Variants in ASTN2 observed in about 807,000 individuals in gnomAD.
The protein encoded by ASTN2 is astrotactin 2.
Under a neutral mutation model 139.8 loss-of-function variants are expected in ASTN2, and 54 were observed. That is an observed-to-expected ratio of 0.39 (90% CI 0.31 to 0.48). ASTN2 has a LOEUF of 0.48. Among genes scored for constraint, ASTN2 ranks in the 20% least tolerant of loss-of-function variants. The probability of loss-of-function intolerance (pLI) is 0.95; values close to 1 mark genes in which losing one functional copy is unlikely to be tolerated. For synonymous variants in ASTN2, 756 were observed against 719.5 expected, an observed-to-expected ratio of 1.05 and a Z score of -0.81; for missense variants, 1,565 against 1,725.1, an observed-to-expected ratio of 0.91 and a Z score of 1.64.
At chr9:117,259,145 A>T (rs1833761142) in intron 2 of ASTN2, among the ~76,000 whole-genome samples, 1 of 152,112 alleles carries the variant, frequency 6.6e-6, no homozygotes, top group East Asian at 1.9e-4. Flanking sequence ...TAAGCTCCTG[A>T]CCTCAAAAAT....
At chr9:116,727,759 G>T (rs998466953) in intron 15 of ASTN2, among the ~76,000 whole-genome samples, 2 of 152,090 alleles carry the variant, frequency 1.3e-5, no homozygotes, top group African/African-American at 4.8e-5. Flanking sequence ...CCACTTACTA[G>T]CTGTGTGACC....
At chr9:116,948,676 T>G (rs767414694) in intron 10 of ASTN2, among the ~76,000 whole-genome samples, 1 of 145,392 alleles carries the variant, frequency 6.9e-6, no homozygotes. Context: ...TTTCAGTAGA[T>G]AGAGTTTGAC....
chr9:117,060,301 ACT>A (rs1483378342), intron 5 of ASTN2, among the ~76,000 whole-genome samples: 1 of 141,134 alleles, frequency 7.1e-6, no homozygotes, highest in African/African-American at 2.7e-5. Context: ...AAAGAGCAAG[ACT>A]CTGTCAAAAA....
intron 19 of ASTN2, among the ~76,000 whole-genome samples, chr9:116,518,643 A>G (rs998470993): frequency 1.2e-4 from 19 of 152,206 alleles, no homozygotes; most frequent in African/African-American, 4.6e-4. Flanking sequence ...AAATAGCACA[A>G]TAAATAGAAT....
At chr9:117,204,948 C>T (rs1831866649) in intron 3 of ASTN2, among the ~76,000 whole-genome samples, 1 of 152,200 alleles carries the variant, frequency 6.6e-6, no homozygotes, top group Non-Finnish European at 1.5e-5. Context: ...AATGAACATC[C>T]TTACCCTTTC....
intron 3 of ASTN2, among the ~76,000 whole-genome samples, chr9:117,163,335 C>T (rs1054447488): frequency 3.3e-5 from 5 of 151,992 alleles, no homozygotes; most frequent in Non-Finnish European, 5.9e-5. Flanking sequence ...TTTGTATTAC[C>T]TAATGCTGAT....
Position 117,319,908 on chromosome 9 carries a change from T to C in ASTN2, c.443-28395A>G, listed in dbSNP as rs537395049. ...ATAGGCTGCCCAGTTCCCAACCCCT[T>C]AATTTCTCTACTGCACCACAGGTTT... On this transcript the variant is annotated intron_variant, in intron 1 of 22. Coordinates refer to ENST00000313400, the MANE Select transcript of ASTN2 (RefSeq NM_001365068.1). Among the ~76,000 whole-genome samples the C allele has an allele frequency of 2.0e-5, 3 of 152,270 alleles. No homozygotes were observed. The South Asian group carries it at 6.2e-4, about 32-fold the overall frequency.
At chr9:116,515,609 T>C (rs1850613804) in intron 19 of ASTN2, among the ~76,000 whole-genome samples, 1 of 152,176 alleles carries the variant, frequency 6.6e-6, no homozygotes, top group Admixed American at 6.5e-5. Flanking sequence ...TACACTCTAC[T>C]TTTGGACTTC....
chr9:117,075,169 C>T (rs918647902), intron 5 of ASTN2, among the ~76,000 whole-genome samples: 1 of 152,180 alleles, frequency 6.6e-6, no homozygotes, highest in African/African-American at 2.4e-5. Flanking sequence ...TTAATGGAGC[C>T]CCTTCTGGGG....
intron 16 of ASTN2, among the ~76,000 whole-genome samples, chr9:116,686,348 G>C (rs1258342804): frequency 6.6e-6 from 1 of 152,198 alleles, no homozygotes; most frequent in African/African-American, 2.4e-5. Context: ...GTCCTCAGCT[G>C]TAGCCAGACA....
intron 20 of ASTN2, among the ~76,000 whole-genome samples, chr9:116,474,048 T>G (rs1020607161): frequency 1.7e-4 from 26 of 152,212 alleles, no homozygotes; most frequent in Admixed American, 6.5e-5. Flanking sequence ...ATACCCTCAC[T>G]GTACAGATAT....
chr9:117,130,409 T>C (rs954247317), intron 4 of ASTN2, among the ~76,000 whole-genome samples: 19 of 152,164 alleles, frequency 1.2e-4, no homozygotes, highest in African/African-American at 4.3e-4. Flanking sequence ...CCTATCACTT[T>C]ATCTTTCACT....
At chr9:117,282,438 T>C (rs191572092) in intron 2 of ASTN2, among the ~76,000 whole-genome samples, 1 of 152,348 alleles carries the variant, frequency 6.6e-6, no homozygotes, top group East Asian at 1.9e-4. Context: ...CCATCTGGGC[T>C]TTATCATTGG....
chr9:116,797,009 T>C lies in ASTN2; in HGVS notation c.2396+8623A>G, dbSNP rs1479413621. ...TTTTTCTTTTTTTTTTTTGTAGATATGTGATATCACTATAATCCTCAGACT... is the reference window on the plus strand; with the variant it reads ...TTTTTCTTTTTTTTTTTTGTAGATACGTGATATCACTATAATCCTCAGACT... On this transcript the variant is annotated intron_variant, in intron 13 of 22. Transcript: ENST00000313400. Among the ~76,000 whole-genome samples, 5 of 151,594 alleles carry C rather than the reference T, an allele frequency of 3.3e-5. No homozygotes were observed. The South Asian group carries it at 6.3e-4, about 19-fold the overall frequency.
At chr9:116,728,388 C>A (rs2132120089) in intron 15 of ASTN2, among the ~76,000 whole-genome samples, 1 of 151,930 alleles carries the variant, frequency 6.6e-6, no homozygotes, top group East Asian at 1.9e-4. Context: ...GTTCCCAAGA[C>A]AAAGAGGTCC....
At chr9:116,454,502 G>T (rs1178061243) in intron 20 of ASTN2, among the ~76,000 whole-genome samples, 3 of 152,078 alleles carry the variant, frequency 2.0e-5, no homozygotes, top group African/African-American at 7.2e-5. Context: ...ATTCCTCAAG[G>T]ATCTAGAACT....
chr9:116,626,308 G>C (rs1019861971), intron 17 of ASTN2, among the ~76,000 whole-genome samples: 1 of 151,184 alleles, frequency 6.6e-6, no homozygotes, highest in Admixed American at 6.6e-5. Context: ...ACCCAGCCAA[G>C]GTCATAAATT....
At chr9:116,760,237 A>C (rs1237157878) in intron 13 of ASTN2, among the ~76,000 whole-genome samples, 1 of 152,196 alleles carries the variant, frequency 6.6e-6, no homozygotes, top group African/African-American at 2.4e-5. Flanking sequence ...AGCTTTTGCC[A>C]CACCCAGGAG....
intron 3 of ASTN2, among the ~76,000 whole-genome samples, chr9:117,209,029 A>T (rs1215249679): frequency 6.6e-6 from 1 of 152,214 alleles, no homozygotes; most frequent in Non-Finnish European, 1.5e-5. Flanking sequence ...AAAATATGCA[A>T]AACTATACAA....
Sources: allele counts gnomAD v4.1 joint callset (sites outside exome capture counted in the v4.1 genomes callset), GRCh38; gene constraint gnomAD v4.1.1; transcripts MANE v1.5; gene names NCBI Gene and HGNC (gene_info 2026-07-23, HGNC 2026-07-21).